The following TICRR variants were observed in gnomAD, a reference collection of about 807,000 sequenced individuals.
The protein encoded by TICRR is treslin.
A neutral mutation model predicts 178.1 loss-of-function variants in TICRR; 132 were observed. The observed-to-expected ratio is 0.74, with a 90% CI of 0.64 to 0.86. The LOEUF (loss-of-function observed/expected upper bound fraction) is 0.86. TICRR is among the 40% of genes least tolerant of loss of function. The probability of loss-of-function intolerance (pLI) is 0.00; values close to 1 mark genes in which losing one functional copy is unlikely to be tolerated. For missense variants in TICRR, 2,587 were observed against 2,334.3 expected, an observed-to-expected ratio of 1.11 and a Z score of -2.23; for synonymous variants, 991 against 900.7, an observed-to-expected ratio of 1.10 and a Z score of -1.79.
chr15:89,614,062 G>A (rs944685953), intron 15 of TICRR, among the ~76,000 whole-genome samples: 1 of 151,998 alleles, frequency 6.6e-6, no homozygotes, highest in African/African-American at 2.4e-5. Flanking sequence ...GCTGAGGCAG[G>A]AGAATGGCGT....
At chr15:89,591,982 T>A in intron 4 of TICRR, 65 bp from the exon 5 acceptor site, 1 of 1,514,442 alleles carries the variant, frequency 6.6e-7, no homozygotes, top group South Asian at 1.2e-5. Flanking sequence ...GAGCAAGTGC[T>A]TAGAATTCTC....
Position 89,601,395 on chromosome 15 carries a change from A to C in TICRR, c.2247+4A>C. ...TATGGAACAAGTAGTGGAGGAGGCAAGTATATAGTTTCGTGCCATTGAAAT... is the reference window on the plus strand; with the variant it reads ...TATGGAACAAGTAGTGGAGGAGGCACGTATATAGTTTCGTGCCATTGAAAT... On this transcript the variant is annotated splice_donor_region_variant and intron_variant, in intron 10 of 21. Transcript: ENST00000268138. 1 of 1,613,812 alleles carries C rather than the reference A, an allele frequency of 6.2e-7. No individual in the cohort carries two copies.
In TICRR at chr15:89,595,638, C is replaced by G. The variant is rs754435904; in HGVS notation, c.1900+27C>G. On this transcript the variant is annotated intron_variant, in intron 7 of 21. Coordinates refer to ENST00000268138, the MANE Select transcript of TICRR (RefSeq NM_152259.4). ...TATTCCTCTTAGTCTATAATTTACT[C>G]TTTTATACCCCGCTTTTTTAAAAAT... 7.2e-6 allele frequency: 11 copies of G among 1,534,670 alleles called. No homozygotes were observed. The East Asian group carries it at 2.0e-4, about 28-fold the overall frequency.
In TICRR at chr15:89,624,804, GTCT is replaced by G. The variant is rs1963487880; in HGVS notation, c.4498_4500del (p.Ser1500del). The stretch of plus-strand genomic sequence containing the variant: ...GGCTAAGGACAGCAGATGCTGAGAA[GTCT>G]TCTCTGTCTCACCCTGGGATTCCCC... On this transcript the variant is annotated inframe_deletion, in exon 20 of 22. Transcript: ENST00000268138. 4 of 1,614,090 alleles carry G rather than the reference GTCT, an allele frequency of 2.5e-6. No individual in the cohort carries two copies. Among genetic ancestry groups the G allele is most frequent in the Non-Finnish European group, 3.4e-6 (4 of 1,180,056 alleles).
chr15:89,594,550 G>C lies in TICRR; in HGVS notation c.1677G>C (p.Lys559Asn), dbSNP rs746209219. 88 of 1,596,274 alleles carry C rather than the reference G, an allele frequency of 5.5e-5. No homozygotes were observed. Among genetic ancestry groups the C allele is most frequent in the Non-Finnish European group, 7.0e-5 (82 of 1,171,276 alleles). Reference protein sequence around the residue: ...STIAHQEDSKKKRGVPRTPVR... With the variant: ...STIAHQEDSKNKRGVPRTPVR... ...TAGCTCATCAAGAAGACAGCAAAAA[G>C]AAACGTATGTACCTAGAAAGGCTGT... is the stretch of plus-strand genomic sequence containing the variant. Residue 559 changes from lysine (K) to asparagine (N), a missense_variant, in exon 6 of 22, where the codon AAG becomes AAC. Physicochemically the swap from Lys to Asn is moderately conservative, Grantham distance 94. Transcript: ENST00000268138.
chr15:89,619,221 C>CTCATTCTTCTTTT (rs775020405), intron 17 of TICRR, among the ~76,000 whole-genome samples: 1 of 112,006 alleles, frequency 8.9e-6, no homozygotes, highest in Non-Finnish European at 1.7e-5. Flanking sequence ...CACCATTCTT[C>CTCATTCTTCTTTT]TTTTTTTTTT....
chr15:89,627,973 T>G lies in TICRR; in HGVS notation c.*887T>G. Reference sequence around the variant, plus strand: ...TCAAACTCTAAGTGAAAACTTCCCATTTGTCCCTTCAAAGATTTTTTTTTA... The same window carrying G: ...TCAAACTCTAAGTGAAAACTTCCCAGTTGTCCCTTCAAAGATTTTTTTTTA... On this transcript the variant is annotated 3_prime_UTR_variant, in exon 22 of 22. Coordinates refer to ENST00000268138, the MANE Select transcript of TICRR (RefSeq NM_152259.4). The G allele has an allele frequency of 6.4e-6, 1 of 155,986 alleles. No individual in the cohort carries two copies. The highest frequency in any genetic ancestry group is 1.4e-5 in the Non-Finnish European group (1 of 70,708). The allele number at this position is 155,986 out of a possible 1,614,324, so 9.7% of individuals were successfully genotyped here. A position where few individuals can be genotyped will look rare whatever the true frequency, so the allele number is the denominator to read the frequency against.
At chr15:89,611,708 A>G (rs916195138) in intron 15 of TICRR, among the ~76,000 whole-genome samples, 1 of 151,788 alleles carries the variant, frequency 6.6e-6, no homozygotes, top group East Asian at 1.9e-4. Flanking sequence ...GATAATTTCA[A>G]TTACCTTATC....
intron 4 of TICRR, among the ~76,000 whole-genome samples, chr15:89,591,220 G>T (rs573664004): frequency 6.6e-6 from 1 of 152,122 alleles, no homozygotes; most frequent in African/African-American, 2.4e-5. Context: ...CAGCCTCCCG[G>T]GTTCAAGCTT....
intron 18 of TICRR, 152 bp from the exon 19 acceptor site, chr15:89,621,241 G>A (rs145002212): frequency 4.8e-6 from 3 of 619,500 alleles, no homozygotes; most frequent in Admixed American, 3.5e-5. Flanking sequence ...GGCTGGTCTC[G>A]AACTCCTGAC....
rs564612498 is a variant in TICRR, at chr15:89,604,036, GA to G, written c.2664+1153del. On this transcript the variant is annotated intron_variant, in intron 13 of 21. Coordinates refer to ENST00000268138, the MANE Select transcript of TICRR (RefSeq NM_152259.4). ...TAAGGACTTGAGGTTTTTATTGGTTGAAAAAAAAATAAACCTAGCTGGAATC... is the reference window on the plus strand; with the variant it reads ...TAAGGACTTGAGGTTTTTATTGGTTGAAAAAAAATAAACCTAGCTGGAATC... Among the ~76,000 whole-genome samples the G allele has an allele frequency of 8.2e-3, 1,228 of 149,040 alleles. 7 individuals are homozygous for G. Among genetic ancestry groups the G allele is most frequent in the Middle Eastern group, 0.014 (4 of 288 alleles).
intron 7 of TICRR, among the ~76,000 whole-genome samples, chr15:89,598,083 T>C (rs1237612603): frequency 2.0e-5 from 3 of 152,240 alleles, no homozygotes; most frequent in Admixed American, 6.5e-5. Context: ...ATTAATCTTG[T>C]ATCCTGCAAA....
chr15:89,624,524 C>T lies in TICRR; in HGVS notation c.4214C>T (p.Thr1405Ile), dbSNP rs1567053247. ...GAGTGTCAGCCTGATGCCTCCGCTACTCCTGGGGTTGGCACAGCTGACAGC... is the reference window on the plus strand; with the variant it reads ...GAGTGTCAGCCTGATGCCTCCGCTATTCCTGGGGTTGGCACAGCTGACAGC... ...IVECQPDASA[T>I]PGVGTADSPA... is the part of the protein sequence containing the mutation. The change falls in exon 20 of 22, where the codon ACT becomes ATT. Residue 1405 changes from threonine (T) to isoleucine (I), a missense_variant. Thr to Ile is a moderately conservative substitution (Grantham distance 89, BLOSUM62 -1). Coordinates refer to ENST00000268138, the MANE Select transcript of TICRR (RefSeq NM_152259.4). 2 of 1,614,052 alleles carry T rather than the reference C, an allele frequency of 1.2e-6. No individual in the cohort carries two copies. The highest frequency in any genetic ancestry group is 1.7e-6 in the Non-Finnish European group (2 of 1,180,006).
At position 89,625,982 on chromosome 15, in the gene TICRR, C is replaced by T. The variant is rs1396977054; in HGVS notation, c.5523C>T (p.Ala1841=). 1.9e-6 allele frequency: 3 copies of T among 1,605,908 alleles called. No homozygotes were observed. The highest frequency in any genetic ancestry group is 1.7e-6 in the Non-Finnish European group (2 of 1,176,580). ...PSCAVRSCLS[A]SALQALTQSP... ...GTGCCGTGCGGAGCTGCCTCTCTGC[C>T]AGTGCCCTCCAGGCTCTGACCCAGT... Residue 1841 remains alanine (A), a synonymous_variant, in exon 21 of 22, where the codon GCC becomes GCT. Coordinates refer to ENST00000268138, the MANE Select transcript of TICRR (RefSeq NM_152259.4).
At position 89,624,089 on chromosome 15, in the gene TICRR, C is replaced by T. The variant is rs199894049; in HGVS notation, c.3779C>T (p.Thr1260Met). The T allele has an allele frequency of 1.4e-4, 221 of 1,613,878 alleles. No individual in the cohort carries two copies. The highest frequency in any genetic ancestry group is 7.1e-4 in the African/African-American group (53 of 74,956). ...TPPRAAAFMGTPQNQTHQQPH... is the reference protein window; with the variant it reads ...TPPRAAAFMGMPQNQTHQQPH... ...CCGAGAGCAGCAGCCTTCATGGGCACGCCTCAGAATCAAACACACCAACAG... is the reference window on the plus strand; with the variant it reads ...CCGAGAGCAGCAGCCTTCATGGGCATGCCTCAGAATCAAACACACCAACAG... Residue 1260 changes from threonine to methionine, a missense_variant, in exon 20 of 22, where the codon ACG (threonine) becomes ATG (methionine). Coordinates refer to ENST00000268138, the MANE Select transcript of TICRR (RefSeq NM_152259.4).
At chr15:89,596,768 A>G (rs1963005076) in intron 7 of TICRR, among the ~76,000 whole-genome samples, 1 of 152,106 alleles carries the variant, frequency 6.6e-6, no homozygotes, top group Admixed American at 6.5e-5. Context: ...TTACTCTCTC[A>G]TATTACTTCA....
chr15:89,605,940 G>C (rs188487882), intron 13 of TICRR, among the ~76,000 whole-genome samples: 355 of 152,300 alleles, frequency 2.3e-3, no homozygotes, highest in African/African-American at 7.9e-3. Context: ...GTCTGATAAA[G>C]AAATGTTTCT....
At chr15:89,609,218 C>T (rs138510369) in intron 15 of TICRR, among the ~76,000 whole-genome samples, 3,414 of 145,306 alleles carry the variant, frequency 0.023, 64 homozygotes, top group Non-Finnish European at 0.034. Context: ...TCAAGTGATT[C>T]TCCCACCTCA....
chr15:89,588,343 C>T (rs1962856096), intron 4 of TICRR, among the ~76,000 whole-genome samples: 1 of 152,142 alleles, frequency 6.6e-6, no homozygotes, highest in Non-Finnish European at 1.5e-5. Flanking sequence ...CACCAGCTGG[C>T]ACAGCTGCAG....
Sources: allele counts gnomAD v4.1 joint callset (sites outside exome capture counted in the v4.1 genomes callset), GRCh38; gene constraint gnomAD v4.1.1; transcripts MANE v1.5; gene names NCBI Gene and HGNC (gene_info 2026-07-23, HGNC 2026-07-21).